Variants in NTM observed in about 807,000 individuals in gnomAD.
NTM encodes the protein IgLON family member 2.
A neutral mutation model predicts 42.1 loss-of-function variants in NTM; 13 were observed. That is an observed-to-expected ratio of 0.31 (90% confidence interval 0.20 to 0.49). The LOEUF (loss-of-function observed/expected upper bound fraction) is 0.49. Among genes scored for constraint, NTM ranks in the 20% least tolerant of loss-of-function variants. NTM has a pLI of 0.99. For synonymous variants in NTM, 187 were observed against 179.2 expected (o/e 1.04, Z -0.35); for missense variants, 373 against 452.8 (o/e 0.82, Z 1.60).
chr11:131,471,428 G>A (rs1046474839), intron 1 of NTM, among the ~76,000 whole-genome samples: 3 of 152,210 alleles, frequency 2.0e-5, no homozygotes, highest in African/African-American at 2.4e-5. Flanking sequence ...GGAAAAGACA[G>A]ATAGGACACC....
intron 2 of NTM, among the ~76,000 whole-genome samples, chr11:131,991,011 A>G (rs925422708): frequency 4.6e-5 from 7 of 152,118 alleles, no homozygotes; most frequent in Non-Finnish European, 7.4e-5. Flanking sequence ...TACAAGGAAA[A>G]CCAGTACTGC....
At chr11:131,582,744 C>T (rs999786591) in intron 1 of NTM, among the ~76,000 whole-genome samples, 3 of 152,170 alleles carry the variant, frequency 2.0e-5, no homozygotes, top group Non-Finnish European at 4.4e-5. Flanking sequence ...ACATTCCCCA[C>T]GTCCATTACT....
chr11:131,392,681 G>T (rs1478062198), intron 1 of NTM, among the ~76,000 whole-genome samples: 1 of 152,208 alleles, frequency 6.6e-6, no homozygotes, highest in East Asian at 1.9e-4. Flanking sequence ...GCTCTCCCCA[G>T]TCTGGACGCC....
Position 132,082,999 on chromosome 11 carries a change from G to T in NTM, c.168-63283G>T, listed in dbSNP as rs1362817941. Among the ~76,000 whole-genome samples the T allele has an allele frequency of 2.6e-5, 4 of 152,138 alleles. No individual in the cohort carries two copies. The East Asian group carries it at 5.8e-4, about 22-fold the overall frequency. ...GTGCATGGCCCTTGGTTTGTGGTTA[G>T]CTCCCTTGGTCTTGATTTTCCCAAA... is the stretch of plus-strand genomic sequence containing the variant. On this transcript the variant is annotated intron_variant, in intron 2 of 8. Transcript: ENST00000683400.
intron 1 of NTM, among the ~76,000 whole-genome samples, chr11:131,816,337 A>G (rs1370910104): frequency 6.6e-6 from 1 of 151,964 alleles, no homozygotes; most frequent in Non-Finnish European, 1.5e-5. Context: ...AGTCCCTTAT[A>G]CTCTCCAAAT....
chr11:131,844,563 T>C (rs1325905775), intron 1 of NTM, among the ~76,000 whole-genome samples: 1 of 152,216 alleles, frequency 6.6e-6, no homozygotes, highest in Non-Finnish European at 1.5e-5. Flanking sequence ...TTTGTATGAA[T>C]TGACATATTT....
At chr11:132,304,778 C>A (rs1010483490) in intron 4 of NTM, among the ~76,000 whole-genome samples, 8 of 151,992 alleles carry the variant, frequency 5.3e-5, no homozygotes, top group African/African-American at 1.9e-4. Context: ...CATGCCTTAC[C>A]CAACTTAATC....
intron 2 of NTM, among the ~76,000 whole-genome samples, chr11:132,011,535 A>C (rs994974351): frequency 6.6e-6 from 1 of 152,198 alleles, no homozygotes; most frequent in Admixed American, 6.5e-5. Flanking sequence ...CTTAAAAGAA[A>C]AGGATATTTG....
rs557194653 is a variant in NTM at position 132,335,673 on chromosome 11, A to G, written c.*527A>G. ...CAAGAAAGAAAAAGGAAACAAAATA[A>G]GACCGTCTGACAGCAACAACGGTCC... On this transcript the variant is annotated 3_prime_UTR_variant, in exon 9 of 9. Transcript: ENST00000683400. 1 of 152,732 alleles carries G rather than the reference A, an allele frequency of 6.5e-6. No homozygotes were observed. The highest frequency in any genetic ancestry group is 2.4e-5 in the African/African-American group (1 of 41,566). 9.5% of individuals were successfully genotyped at this position (152,732 alleles called of 1,614,324 possible).
At chr11:132,187,542 T>G (rs913236840) in intron 3 of NTM, among the ~76,000 whole-genome samples, 1 of 152,174 alleles carries the variant, frequency 6.6e-6, no homozygotes, top group African/African-American at 2.4e-5. Context: ...GTGCTCAGGC[T>G]GAGGCTCCTC....
Position 131,443,029 on chromosome 11 carries a change from T to C in NTM, c.82+72141T>C, listed in dbSNP as rs571479232. ...GGAATGCTGGGTTGAATGGTAGTTC[T>C]ATTTTTAGTTCTTTGAGAAATACCC... On this transcript the variant is annotated intron_variant, in intron 1 of 8. Coordinates refer to ENST00000683400, the MANE Select transcript of NTM (RefSeq NM_001352005.2). Among the ~76,000 whole-genome samples the C allele has an allele frequency of 3.3e-3, 504 of 152,328 alleles. 1 individual carries two copies. Among genetic ancestry groups the C allele is most frequent in the Non-Finnish European group, 5.9e-3 (403 of 68,026 alleles).
chr11:132,290,752 C>T (rs1369772662), intron 4 of NTM, among the ~76,000 whole-genome samples: 3 of 152,108 alleles, frequency 2.0e-5, no homozygotes, highest in Non-Finnish European at 4.4e-5. Context: ...TTTTAAAAAG[C>T]ACCAAGTAGT....
At chr11:132,261,237 C>A (rs1029931482) in intron 4 of NTM, among the ~76,000 whole-genome samples, 11 of 152,164 alleles carry the variant, frequency 7.2e-5, no homozygotes, top group Admixed American at 2.0e-4. Flanking sequence ...AACTTCCAAA[C>A]AAGCTCTCAA....
At position 131,712,056 on chromosome 11, in the gene NTM, A is replaced by G. The variant is rs558672792; in HGVS notation, c.83-199508A>G. ...TAAATGACGAGTTAACGGGTGCAGC[A>G]CACCAGCATGGCACATGTATACATA... On this transcript the variant is annotated intron_variant, in intron 1 of 8. Coordinates refer to ENST00000683400, the MANE Select transcript of NTM (RefSeq NM_001352005.2). Among the ~76,000 whole-genome samples the G allele has an allele frequency of 1.7e-3, 260 of 151,048 alleles. 1 individual carries two copies. Among genetic ancestry groups the G allele is most frequent in the African/African-American group, 6.1e-3 (251 of 41,176 alleles).
chr11:131,411,603 G>A (rs1946434601), intron 1 of NTM, among the ~76,000 whole-genome samples: 1 of 149,326 alleles, frequency 6.7e-6, no homozygotes, highest in African/African-American at 2.5e-5. Flanking sequence ...GAGAGCTGGG[G>A]AAGCCAAGTA....
intron 2 of NTM, among the ~76,000 whole-genome samples, chr11:131,918,733 C>T (rs1362278418): frequency 6.6e-6 from 1 of 152,104 alleles, no homozygotes; most frequent in Non-Finnish European, 1.5e-5. Flanking sequence ...TGTCGTGGTG[C>T]ACAGGAATCC....
intron 3 of NTM, among the ~76,000 whole-genome samples, chr11:132,192,376 A>G (rs2079454029): frequency 6.6e-6 from 1 of 152,224 alleles, no homozygotes; most frequent in African/African-American, 2.4e-5. Context: ...TCCTAAAAGA[A>G]AAAAATTCCA....
chr11:131,978,219 A>G (rs1346942400), intron 2 of NTM, among the ~76,000 whole-genome samples: 1 of 152,186 alleles, frequency 6.6e-6, no homozygotes, highest in East Asian at 1.9e-4. Context: ...GGATGGAACA[A>G]TAGCATTGGC....
intron 1 of NTM, among the ~76,000 whole-genome samples, chr11:131,838,879 C>T (rs1028665406): frequency 6.6e-6 from 1 of 151,856 alleles, no homozygotes; most frequent in East Asian, 1.9e-4. Context: ...ATGAATGAAG[C>T]AAATATTCCT....
Sources: allele counts gnomAD v4.1 joint callset (sites outside exome capture counted in the v4.1 genomes callset), GRCh38; gene constraint gnomAD v4.1.1; transcripts MANE v1.5; gene names NCBI Gene and HGNC (gene_info 2026-07-23, HGNC 2026-07-21).